The following TMEM164 variants were observed in gnomAD, a reference collection of about 807,000 sequenced individuals.
TMEM164 encodes the protein RP13-360B22.2.
Under a neutral mutation model 18.8 loss-of-function variants are expected in TMEM164, and 4 were observed. That is an observed-to-expected ratio of 0.21 (90% CI 0.10 to 0.49). The LOEUF (loss-of-function observed/expected upper bound fraction) is 0.49. Ranked by LOEUF, TMEM164 falls within the 20% of genes least tolerant of loss-of-function variation. The probability of loss-of-function intolerance (pLI) is 0.98; values close to 1 mark genes in which losing one functional copy is unlikely to be tolerated. For synonymous variants in TMEM164, 86 were observed against 101.7 expected (o/e 0.85, Z 0.93); for missense variants, 108 against 239.9 (o/e 0.45, Z 3.63).
chrX:110,072,620 TCTCTC>T (rs1453137691), intron 3 of TMEM164, among the ~76,000 whole-genome samples: 1 of 111,543 alleles, frequency 9.0e-6, no homozygotes, highest in Non-Finnish European at 1.9e-5. Context: ...GTTTTTGTGT[TCTCTC>T]CTCTGTATAT....
intron 4 of TMEM164, among the ~76,000 whole-genome samples, chrX:110,138,294 G>A (rs778709305): frequency 1.5e-3 from 170 of 112,539 alleles, no homozygotes; most frequent in African/African-American, 5.2e-3. Context: ...AGTAGATACT[G>A]TTATTCCCAT....
intron 3 of TMEM164, among the ~76,000 whole-genome samples, chrX:110,073,955 G>A (rs1408169591): frequency 9.0e-6 from 1 of 110,992 alleles, no homozygotes; most frequent in Non-Finnish European, 1.9e-5. Context: ...TCGGCTCACT[G>A]TAAACTCATC....
intron 2 of TMEM164, among the ~76,000 whole-genome samples, chrX:110,022,922 G>C (rs1249086685): frequency 1.8e-5 from 2 of 112,369 alleles, no homozygotes; most frequent in Non-Finnish European, 3.8e-5. Context: ...AAGAAGCCCA[G>C]AGCAGAAAGC....
At chrX:110,123,980 G>A (rs764553562) in intron 4 of TMEM164, among the ~76,000 whole-genome samples, 124 of 110,946 alleles carry the variant, frequency 1.1e-3, no homozygotes, top group African/African-American at 4.0e-3. Context: ...GCCAGGCGTG[G>A]CGGTATGTGT....
chrX:110,157,096 A>G (rs1569355215), intron 5 of TMEM164, among the ~76,000 whole-genome samples: 1 of 111,748 alleles, frequency 8.9e-6, no homozygotes, highest in Non-Finnish European at 1.9e-5. Context: ...AGTAGATGAA[A>G]ACATTGGAAT....
chrX:110,105,942 T>G (rs1157818552), intron 3 of TMEM164, among the ~76,000 whole-genome samples: 1 of 111,583 alleles, frequency 9.0e-6, no homozygotes, highest in Non-Finnish European at 1.9e-5. Flanking sequence ...ACTTGGAGCT[T>G]TGGTTTTCTC....
intron 3 of TMEM164, among the ~76,000 whole-genome samples, chrX:110,068,105 C>T (rs2065529011): frequency 8.9e-6 from 1 of 112,561 alleles, no homozygotes; most frequent in Admixed American, 9.4e-5. Flanking sequence ...TGGAGATGTT[C>T]CTGAGCAGTG....
At chrX:110,179,234 G>T (rs1385209305), downstream of TMEM164, among the ~76,000 whole-genome samples, 1 of 111,243 alleles carries the variant, frequency 9.0e-6, no homozygotes, top group Non-Finnish European at 1.9e-5. Flanking sequence ...TAAGAAAGAC[G>T]ATGACATAGG....
chrX:110,046,201 T>G, intron 2 of TMEM164: 1 of 754,699 alleles, frequency 1.3e-6, no homozygotes, highest in Non-Finnish European at 1.6e-6. Context: ...CGTTATGGGC[T>G]TTGAATCCGT....
At chrX:110,019,005 C>T (rs1933643605) in intron 2 of TMEM164, among the ~76,000 whole-genome samples, 1 of 111,607 alleles carries the variant, frequency 9.0e-6, no homozygotes, top group South Asian at 3.8e-4. Context: ...GATGTTATTT[C>T]CTTGGTAGCC....
At chrX:110,171,036 A>G (rs1006110040) in intron 5 of TMEM164, among the ~76,000 whole-genome samples, 1 of 112,495 alleles carries the variant, frequency 8.9e-6, no homozygotes, top group Non-Finnish European at 1.9e-5. Context: ...AAATGTGGGA[A>G]TGAAGGGTAT....
At chrX:110,157,657 G>A (rs189689121) in intron 5 of TMEM164, among the ~76,000 whole-genome samples, 47 of 111,536 alleles carry the variant, frequency 4.2e-4, no homozygotes, top group Middle Eastern at 4.6e-3. Flanking sequence ...AGAGAAATAA[G>A]TGCTGTGGGA....
At chrX:110,085,336 A>T (rs748425722) in intron 3 of TMEM164, among the ~76,000 whole-genome samples, 971 of 80,625 alleles carry the variant, frequency 0.012, 7 homozygotes, top group South Asian at 0.034. Context: ...AATTAAAAAA[A>T]ATATATATAT....
At chrX:110,159,155 A>T (rs1233202875) in intron 5 of TMEM164, among the ~76,000 whole-genome samples, 1 of 111,178 alleles carries the variant, frequency 9.0e-6, no homozygotes, top group Non-Finnish European at 1.9e-5. Context: ...CCCTTTGGGG[A>T]TGATCTAGTG....
At chrX:110,015,242 GA>G (rs1236051214) in intron 2 of TMEM164, among the ~76,000 whole-genome samples, 1 of 111,493 alleles carries the variant, frequency 9.0e-6, no homozygotes. Context: ...AAGGCCATTG[GA>G]AGGCCTCTGG....
At chrX:110,018,556 G>T (rs1266398546) in intron 2 of TMEM164, among the ~76,000 whole-genome samples, 2 of 112,185 alleles carry the variant, frequency 1.8e-5, no homozygotes, top group Non-Finnish European at 3.8e-5. Flanking sequence ...CATGGTTTTT[G>T]ATTTGTTTTG....
At chrX:110,101,794 G>A (rs1330014307) in intron 3 of TMEM164, among the ~76,000 whole-genome samples, 1 of 108,497 alleles carries the variant, frequency 9.2e-6, no homozygotes, top group Non-Finnish European at 1.9e-5. Context: ...TGTTGCCCGG[G>A]CTGGTCTTGA....
chrX:110,178,668 A>G (rs1325405647), downstream of TMEM164, among the ~76,000 whole-genome samples: 1 of 112,195 alleles, frequency 8.9e-6, no homozygotes, highest in Non-Finnish European at 1.9e-5. Context: ...AGCAGCCTAG[A>G]AAAGTCACTT....
chrX:110,138,581 T>C (rs1042593286), intron 4 of TMEM164, among the ~76,000 whole-genome samples: 1 of 111,274 alleles, frequency 9.0e-6, no homozygotes, highest in Non-Finnish European at 1.9e-5. Context: ...GCAAAGGAGA[T>C]TGAGAAGGAA....
Sources: allele counts gnomAD v4.1 joint callset (sites outside exome capture counted in the v4.1 genomes callset), GRCh38; gene constraint gnomAD v4.1.1; transcripts MANE v1.5; gene names NCBI Gene and HGNC (gene_info 2026-07-23, HGNC 2026-07-21).